Variants in MYO16 observed in about 807,000 individuals in gnomAD.
MYO16 encodes the protein unconventional myosin-XVI.
MYO16 carries 94 observed loss-of-function variants against 205.3 expected under a neutral mutation model. The observed-to-expected ratio is 0.46, with a 90% CI of 0.39 to 0.54. The LOEUF (loss-of-function observed/expected upper bound fraction) is 0.54, where lower values mean the gene tolerates loss of function less well. Among genes scored for constraint, MYO16 ranks in the 20% least tolerant of loss-of-function variants. The pLI, the probability that MYO16 is intolerant of heterozygous loss-of-function variation, is 0.00. For synonymous variants in MYO16, 988 were observed against 954.0 expected (o/e 1.04, Z -0.66); for missense variants, 2,315 against 2,387.5 (o/e 0.97, Z 0.63).
At chr13:109,035,405 C>T (rs1886686490) in intron 23 of MYO16, among the ~76,000 whole-genome samples, 2 of 152,082 alleles carry the variant, frequency 1.3e-5, no homozygotes, top group Admixed American at 6.6e-5. Context: ...CACTGTAGGC[C>T]GGGCATGGTG....
At chr13:109,181,174 T>A (rs994919506) in intron 34 of MYO16, among the ~76,000 whole-genome samples, 1 of 152,248 alleles carries the variant, frequency 6.6e-6, no homozygotes, top group Non-Finnish European at 1.5e-5. Context: ...ATTCTCAGAT[T>A]TCAAAGAGGC....
chr13:108,602,944 A>G (rs1215437936), intron 1 of MYO16, among the ~76,000 whole-genome samples: 2 of 152,218 alleles, frequency 1.3e-5, no homozygotes, highest in South Asian at 2.1e-4. Flanking sequence ...TCCTGGAGAA[A>G]GAACCTGGAA....
intron 5 of MYO16, among the ~76,000 whole-genome samples, chr13:108,791,744 G>A (rs1886623004): frequency 1.3e-5 from 2 of 152,322 alleles, no homozygotes; most frequent in South Asian, 2.1e-4. Context: ...TGTGGTTTCT[G>A]CTATAGAGCT....
the MYO16 span, among the ~76,000 whole-genome samples, chr13:108,581,420 T>A: frequency 1.3e-5 from 2 of 152,200 alleles, no homozygotes; most frequent in Non-Finnish European, 2.9e-5. Context: ...TAATTCTTTT[T>A]CAAGGATGTT....
chr13:108,598,591 C>T (rs571761825), intron 1 of MYO16, among the ~76,000 whole-genome samples: 12 of 152,264 alleles, frequency 7.9e-5, no homozygotes, highest in Admixed American at 5.2e-4. Flanking sequence ...TGTCCACTTT[C>T]TGTTCCTGGA....
intron 23 of MYO16, among the ~76,000 whole-genome samples, chr13:109,027,223 G>A (rs917208790): frequency 2.0e-5 from 3 of 152,068 alleles, no homozygotes; most frequent in Non-Finnish European, 2.9e-5. Context: ...ACCCCAATCT[G>A]TGCCTCCATC....
At chr13:108,976,536 A>G (rs1284284768) in intron 20 of MYO16, among the ~76,000 whole-genome samples, 1 of 152,194 alleles carries the variant, frequency 6.6e-6, no homozygotes, top group Admixed American at 6.5e-5. Flanking sequence ...ACCAAAGGAT[A>G]TGTGTAAGAA....
intron 1 of MYO16, among the ~76,000 whole-genome samples, chr13:108,621,828 G>C (rs1879553948): frequency 6.6e-6 from 1 of 152,154 alleles, no homozygotes; most frequent in Admixed American, 6.5e-5. Flanking sequence ...GAGACAATGA[G>C]AGACAGCACA....
In MYO16 at chr13:109,127,510, G is replaced by A. The variant is rs1876319843; in HGVS notation, c.4011G>A (p.Val1337=). ...NTRLSASYEA[V]SACLSAAREA... is the part of the protein sequence containing the mutation. The stretch of plus-strand genomic sequence containing the variant: ...GGCTGAGTGCTTCCTATGAGGCTGT[G>A]AGCGCCTGCCTCTCCGCGGCCAGGG... Residue 1337 remains valine, a synonymous_variant, in exon 31 of 35, where the codon GTG becomes GTA. Transcript: ENST00000457511. This position sits in a 1 kb window ranked among gnomAD's most constrained non-coding sequence, Gnocchi z 4.2. The A allele has an allele frequency of 6.2e-7, 1 of 1,612,780 alleles. No homozygotes were observed. Among genetic ancestry groups the A allele is most frequent in the Non-Finnish European group, 8.5e-7 (1 of 1,179,864 alleles).
chr13:108,517,021 C>T, the MYO16 span, among the ~76,000 whole-genome samples: 8 of 151,950 alleles, frequency 5.3e-5, no homozygotes, highest in Admixed American at 4.6e-4. Context: ...GCTTCAAATT[C>T]GTGGGTTCAA....
upstream of MYO16, among the ~76,000 whole-genome samples, chr13:108,628,650 T>C (rs181030401): frequency 1.1e-4 from 17 of 152,202 alleles, no homozygotes; most frequent in African/African-American, 4.1e-4. Flanking sequence ...AGTGAAAATG[T>C]AATAGTCATG....
intron 3 of MYO16, among the ~76,000 whole-genome samples, chr13:108,713,359 A>G (rs1313022889): frequency 6.6e-6 from 1 of 152,222 alleles, no homozygotes; most frequent in Non-Finnish European, 1.5e-5. Context: ...TAAGATATCA[A>G]TCTAATTTAT....
chr13:109,018,066 A>G (rs1885889167), intron 22 of MYO16, among the ~76,000 whole-genome samples: 1 of 152,162 alleles, frequency 6.6e-6, no homozygotes, highest in African/African-American at 2.4e-5. Context: ...TAGAATTTTC[A>G]GCTTTTCTGC....
chr13:109,111,009 T>TG (rs75364945), intron 28 of MYO16, among the ~76,000 whole-genome samples: 10,874 of 152,186 alleles, frequency 0.071, 864 homozygotes, highest in East Asian at 0.44. Flanking sequence ...AATGAGTGAA[T>TG]GGATGTTCAG....
At chr13:108,691,027 G>A (rs983272630) in intron 2 of MYO16, among the ~76,000 whole-genome samples, 6 of 152,100 alleles carry the variant, frequency 3.9e-5, no homozygotes, top group Non-Finnish European at 8.8e-5. Context: ...GTAGATGTAG[G>A]TTTTGATTAA....
chr13:108,553,661 A>G, the MYO16 span, among the ~76,000 whole-genome samples: 2 of 152,198 alleles, frequency 1.3e-5, no homozygotes, highest in African/African-American at 4.8e-5. Context: ...TTGGAATATG[A>G]GGTTATGATG....
Position 108,612,556 on chromosome 13 carries a change from C to T in MYO16, c.-39+16317C>T, listed in dbSNP as rs146437923. Among the ~76,000 whole-genome samples, 23 of 152,164 alleles carry T rather than the reference C, an allele frequency of 1.5e-4. No individual in the cohort carries two copies. The East Asian group carries it at 2.3e-3, about 15-fold the overall frequency. On this transcript the variant is annotated intron_variant, in intron 1 of 24. Coordinates refer to the MYO16 transcript ENST00000251041. ...AAGTACTCTGACTGGGTTAAAATGT[C>T]AAACAAGACATGGTCCTTGCCCAAA...
intron 3 of MYO16, among the ~76,000 whole-genome samples, chr13:108,721,648 G>A (rs1037186469): frequency 6.6e-6 from 1 of 152,152 alleles, no homozygotes; most frequent in Non-Finnish European, 1.5e-5. Context: ...ATAAGGATTG[G>A]GTAAATCTTA....
intron 2 of MYO16, among the ~76,000 whole-genome samples, chr13:108,689,038 A>T (rs899605999): frequency 2.0e-5 from 3 of 152,180 alleles, no homozygotes; most frequent in Non-Finnish European, 4.4e-5. Context: ...TATTGTCTTT[A>T]TATTTAATAC....
Sources: gnomAD v4.1 joint callset for allele counts (sites outside exome capture counted in the v4.1 genomes callset) on GRCh38, gnomAD v4.1.1 for gene constraint, Gnocchi (gnomAD v3.1) non-coding constraint, MANE v1.5 for transcripts, NCBI Gene and HGNC (gene_info 2026-07-23, HGNC 2026-07-21) for gene names.